The following TRERF1 variants were observed in gnomAD, a reference collection of about 807,000 sequenced individuals.
TRERF1 encodes transcriptional-regulating factor 1.
In TRERF1, 27 loss-of-function variants were observed where a neutral mutation model predicts 122.9. That is an observed-to-expected ratio of 0.22 (90% CI 0.16 to 0.30). The LOEUF (loss-of-function observed/expected upper bound fraction) is 0.30. Ranked by LOEUF, TRERF1 falls within the 10% of genes least tolerant of loss-of-function variation. The probability of loss-of-function intolerance (pLI) is 1.00; values close to 1 mark genes in which losing one functional copy is unlikely to be tolerated. For missense variants in TRERF1, 1,248 were observed against 1,560.3 expected (o/e 0.80, Z 3.37); for synonymous variants, 636 against 641.7 (o/e 0.99, Z 0.13).
Position 42,250,465 on chromosome 6 carries a change from G to A in TRERF1, c.2657-3921C>T, listed in dbSNP as rs139443764. 3.0e-3 allele frequency among the ~76,000 whole-genome samples: 454 copies of A among 152,198 alleles called. 1 individual carries two copies. Among genetic ancestry groups the A allele is most frequent in the Non-Finnish European group, 5.4e-3 (370 of 68,022 alleles). ...GGAGTCTGATAGGGACACGTTCCTC[G>A]TTCTTAGACAAGGTTCTCTAAGCCG... On this transcript the variant is annotated intron_variant, in intron 13 of 17. Transcript: ENST00000372922.
At chr6:42,248,774 C>T (rs1330256660) in intron 13 of TRERF1, among the ~76,000 whole-genome samples, 5 of 152,128 alleles carry the variant, frequency 3.3e-5, no homozygotes, top group South Asian at 4.1e-4. Flanking sequence ...CACAGTAACA[C>T]GGAGCCTCAG....
chr6:42,286,478 G>A (rs1462111689), intron 4 of TRERF1, among the ~76,000 whole-genome samples: 13 of 141,042 alleles, frequency 9.2e-5, no homozygotes, highest in South Asian at 2.4e-4. Context: ...AAAAGTGGGC[G>A]AAGGACATGA....
chr6:42,363,304 C>G (rs1334569142), intron 2 of TRERF1, among the ~76,000 whole-genome samples: 1 of 152,168 alleles, frequency 6.6e-6, no homozygotes, highest in African/African-American at 2.4e-5. Flanking sequence ...TCTGGTTATT[C>G]AGGCTCTAAA....
At chr6:42,417,749 G>T (rs1400805776) in intron 2 of TRERF1, among the ~76,000 whole-genome samples, 1 of 152,178 alleles carries the variant, frequency 6.6e-6, no homozygotes, top group African/African-American at 2.4e-5. Context: ...GACAACCAGA[G>T]CCCCTGTGGG....
At chr6:42,357,328 CAAAAAAAAA>C (rs35651008) in intron 3 of TRERF1, among the ~76,000 whole-genome samples, 5,393 of 61,228 alleles carry the variant, frequency 0.088, 267 homozygotes, top group East Asian at 0.35. Context: ...GACTCTGTCT[CAAAAAAAAA>C]AAAAAAAAAA....
intron 2 of TRERF1, among the ~76,000 whole-genome samples, chr6:42,433,239 G>A (rs978058491): frequency 3.9e-5 from 6 of 151,936 alleles, no homozygotes; most frequent in African/African-American, 9.7e-5. Context: ...TCCCTGGGCC[G>A]AGAAGACAAA....
rs186255845 is a variant in TRERF1, at chr6:42,383,942, A to T, written c.-453-20863T>A. Among the ~76,000 whole-genome samples, 11 of 152,116 alleles carry T rather than the reference A, an allele frequency of 7.2e-5. No homozygotes were observed. The East Asian group carries it at 2.1e-3, about 30-fold the overall frequency. ...TCCATCAGATTGGCAAAGATAAAAA[A>T]GTCTGATAACTTACTGGTAACTCAT... On this transcript the variant is annotated intron_variant, in intron 2 of 17. Coordinates refer to ENST00000372922, the Ensembl canonical transcript of TRERF1.
intron 3 of TRERF1, among the ~76,000 whole-genome samples, chr6:42,350,870 G>T (rs929130121): frequency 6.6e-5 from 10 of 152,052 alleles, no homozygotes; most frequent in African/African-American, 1.9e-4. Flanking sequence ...TATGACAAGT[G>T]AATACACACA....
At chr6:42,335,626 C>T (rs1430677362) in intron 3 of TRERF1, among the ~76,000 whole-genome samples, 1 of 152,190 alleles carries the variant, frequency 6.6e-6, no homozygotes, top group East Asian at 1.9e-4. Context: ...CTGAATGCCA[C>T]TGATGCACCA....
At chr6:42,359,929 C>T (rs1317907769) in intron 3 of TRERF1, among the ~76,000 whole-genome samples, 4 of 151,834 alleles carry the variant, frequency 2.6e-5, no homozygotes, top group African/African-American at 9.7e-5. Flanking sequence ...TTTAGGCTTC[C>T]CCCAAAATGA....
chr6:42,315,042 G>C (rs967772829), intron 3 of TRERF1, among the ~76,000 whole-genome samples: 1 of 152,184 alleles, frequency 6.6e-6, no homozygotes, highest in Non-Finnish European at 1.5e-5. Context: ...TGGTGACAGC[G>C]AGTGCAGTGG....
At chr6:42,367,939 T>C (rs759198068) in intron 2 of TRERF1, among the ~76,000 whole-genome samples, 1 of 152,078 alleles carries the variant, frequency 6.6e-6, no homozygotes, top group Non-Finnish European at 1.5e-5. Context: ...CATTCCACAA[T>C]GGGGTCCTCA....
intron 3 of TRERF1, among the ~76,000 whole-genome samples, chr6:42,319,578 T>C (rs1763046264): frequency 6.6e-6 from 1 of 151,542 alleles, no homozygotes; most frequent in Admixed American, 6.6e-5. Context: ...TCCCAGCATT[T>C]TGGGGGGCTG....
At position 42,259,841 on chromosome 6, in the gene TRERF1, C is replaced by G. The variant is rs1777508185; in HGVS notation, c.1885-118G>C. ...GCAGAGAGCCCTTCTGCTTGACCCCCCCACCCCCAACGCCCCCACATTCTG... is the reference window on the plus strand; with the variant it reads ...GCAGAGAGCCCTTCTGCTTGACCCCGCCACCCCCAACGCCCCCACATTCTG... On this transcript the variant is annotated intron_variant, in intron 8 of 17. Transcript: ENST00000372922. This position sits in a 1 kb window ranked among gnomAD's most constrained non-coding sequence, Gnocchi z 4.9. The G allele has an allele frequency of 1.4e-5, 20 of 1,422,954 alleles. No individual in the cohort carries two copies. Among genetic ancestry groups the G allele is most frequent in the Non-Finnish European group, 1.8e-5 (19 of 1,061,080 alleles). The allele number at this position is 1,422,954 out of a possible 1,614,324, so 88.1% of individuals were successfully genotyped here. A position where few individuals can be genotyped will look rare whatever the true frequency, so the allele number is the denominator to read the frequency against.
intron 4 of TRERF1, among the ~76,000 whole-genome samples, chr6:42,284,928 G>A (rs1040020192): frequency 6.6e-6 from 1 of 152,170 alleles, no homozygotes; most frequent in East Asian, 1.9e-4. Flanking sequence ...AGCTGTCATG[G>A]GGCAGGCACT....
At chr6:42,238,832 ATT>A in intron 15 of TRERF1, among the ~76,000 whole-genome samples, 1 of 84,746 alleles carries the variant, frequency 1.2e-5, no homozygotes, top group African/African-American at 4.2e-5. Flanking sequence ...AGAATCATGC[ATT>A]TCACACACAC....
intron 14 of TRERF1, among the ~76,000 whole-genome samples, chr6:42,246,243 G>A (rs1774780330): frequency 6.6e-6 from 1 of 152,200 alleles, no homozygotes; most frequent in African/African-American, 2.4e-5. Flanking sequence ...GCAGTGTCCA[G>A]ATAATCTACG....
Position 42,259,208 on chromosome 6 carries a change from G to C in TRERF1, c.2269+131C>G. Reference sequence around the variant, plus strand: ...TATTCCAAGTCTTTCTTAACACCCAGCAGCGCGTGCTACATACAGCCAATA... The same window carrying C: ...TATTCCAAGTCTTTCTTAACACCCACCAGCGCGTGCTACATACAGCCAATA... On this transcript the variant is annotated intron_variant, in intron 9 of 17. Coordinates refer to ENST00000372922, the Ensembl canonical transcript of TRERF1. The surrounding 1 kb of genome is among the most constrained non-coding windows in gnomAD (Gnocchi z 4.9). 4 of 1,238,040 alleles carry C rather than the reference G, an allele frequency of 3.2e-6. No homozygotes were observed. Among genetic ancestry groups the C allele is most frequent in the Non-Finnish European group, 4.3e-6 (4 of 937,194 alleles). The allele number at this position is 1,238,040 out of a possible 1,614,324, so 76.7% of individuals were successfully genotyped here. A position where few individuals can be genotyped will look rare whatever the true frequency, so the allele number is the denominator to read the frequency against.
intron 4 of TRERF1, among the ~76,000 whole-genome samples, chr6:42,287,901 C>T (rs1783554575): frequency 6.6e-6 from 1 of 152,154 alleles, no homozygotes; most frequent in Non-Finnish European, 1.5e-5. Flanking sequence ...AGAAAGCCCT[C>T]ACAATCTGGT....
Sources: gnomAD v4.1 joint callset for allele counts (sites outside exome capture counted in the v4.1 genomes callset) on GRCh38, gnomAD v4.1.1 for gene constraint, Gnocchi (gnomAD v3.1) non-coding constraint, MANE v1.5 for transcripts, NCBI Gene and HGNC (gene_info 2026-07-23, HGNC 2026-07-21) for gene names.